Variants in SLC39A11 observed in about 807,000 individuals in gnomAD.
The protein encoded by SLC39A11 is zinc transporter ZIP11.
SLC39A11 carries 33 observed loss-of-function variants against 36.1 expected under a neutral mutation model. The observed-to-expected ratio is 0.91, with a 90% confidence interval of 0.69 to 1.22. SLC39A11 has a LOEUF of 1.22. SLC39A11 is among the 50% of genes most tolerant of loss of function. SLC39A11 has a pLI of 0.00. For missense variants in SLC39A11, 432 were observed against 430.3 expected (o/e 1.00, Z -0.03); for synonymous variants, 166 against 170.3 (o/e 0.97, Z 0.20).
intron 4 of SLC39A11, among the ~76,000 whole-genome samples, chr17:73,017,979 A>C (rs975978261): frequency 6.6e-6 from 1 of 152,208 alleles, no homozygotes; most frequent in Admixed American, 6.5e-5. Flanking sequence ...TAGAAGATAA[A>C]ATTCCAACTA....
intron 5 of SLC39A11, among the ~76,000 whole-genome samples, chr17:72,915,482 C>T (rs576203346): frequency 7.2e-5 from 11 of 152,312 alleles, no homozygotes; most frequent in East Asian, 1.9e-4. Context: ...TGTGGTACAA[C>T]GTGGGCCTGG....
At chr17:73,054,225 G>C (rs1003211236) in intron 3 of SLC39A11, among the ~76,000 whole-genome samples, 1 of 152,058 alleles carries the variant, frequency 6.6e-6, no homozygotes, top group African/African-American at 2.4e-5. Context: ...AGCTGGGTTT[G>C]GTAGCGCATG....
At chr17:72,836,146 A>G (rs558710601) in intron 6 of SLC39A11, among the ~76,000 whole-genome samples, 42 of 152,372 alleles carry the variant, frequency 2.8e-4, no homozygotes, top group African/African-American at 9.9e-4. Flanking sequence ...AACTACGCCA[A>G]CGTGGTGCTG....
At chr17:72,832,548 C>G (rs546262925) in intron 6 of SLC39A11, among the ~76,000 whole-genome samples, 1 of 152,316 alleles carries the variant, frequency 6.6e-6, no homozygotes, top group South Asian at 2.1e-4. Flanking sequence ...AATTACCACA[C>G]TGAAAAGTGG....
chr17:72,861,689 A>ATATATAT (rs1410780416), intron 5 of SLC39A11, among the ~76,000 whole-genome samples: 9 of 96,654 alleles, frequency 9.3e-5, no homozygotes, highest in African/African-American at 3.3e-4. Context: ...ATATATATAT[A>ATATATAT]AAATATATAT....
At chr17:72,815,287 G>A (rs1437369908) in intron 6 of SLC39A11, among the ~76,000 whole-genome samples, 1 of 152,218 alleles carries the variant, frequency 6.6e-6, no homozygotes, top group African/African-American at 2.4e-5. Context: ...AAATCAAGCT[G>A]TTATGATTTC....
chr17:72,776,727 G>C (rs2076148908), intron 6 of SLC39A11, among the ~76,000 whole-genome samples: 1 of 151,884 alleles, frequency 6.6e-6, no homozygotes, highest in African/African-American at 2.4e-5. Context: ...TATACCCGTG[G>C]TCTGGTCTGA....
chr17:72,751,243 A>C (rs2075144302), intron 6 of SLC39A11, among the ~76,000 whole-genome samples: 1 of 152,158 alleles, frequency 6.6e-6, no homozygotes. Context: ...GTGAGACTCC[A>C]TCTCAAAACA....
chr17:72,737,541 A>G (rs7405939), intron 6 of SLC39A11, among the ~76,000 whole-genome samples: 122,951 of 152,088 alleles, frequency 0.81, 50,515 homozygotes, highest in Non-Finnish European at 0.85. Flanking sequence ...AGGTTGATAC[A>G]GCAGCCCAAA....
At chr17:72,913,867 G>A (rs1449463848) in intron 5 of SLC39A11, among the ~76,000 whole-genome samples, 5 of 152,006 alleles carry the variant, frequency 3.3e-5, no homozygotes, top group East Asian at 1.9e-4. Flanking sequence ...CATTGACAAC[G>A]GTAATTTTTA....
intron 6 of SLC39A11, among the ~76,000 whole-genome samples, chr17:72,775,957 C>T (rs970194213): frequency 2.0e-5 from 3 of 152,256 alleles, no homozygotes; most frequent in South Asian, 2.1e-4. Context: ...CCCTCTACAG[C>T]TCTGAGTTAT....
chr17:73,013,322 C>CTCT (rs10665043), intron 4 of SLC39A11, among the ~76,000 whole-genome samples: 7 of 151,944 alleles, frequency 4.6e-5, no homozygotes, highest in Non-Finnish European at 5.9e-5. Context: ...TCCTGACCTC[C>CTCT]GGCGATCCAC....
At chr17:72,883,451 T>C (rs998876827) in intron 5 of SLC39A11, among the ~76,000 whole-genome samples, 4 of 152,200 alleles carry the variant, frequency 2.6e-5, no homozygotes, top group African/African-American at 9.6e-5. Context: ...GGGTAGTATT[T>C]ACATGATGCA....
At chr17:72,725,718 T>C (rs1864686) in intron 7 of SLC39A11, 51,901 of 152,104 alleles carry the variant, frequency 0.34, 10,814 homozygotes, top group Middle Eastern at 0.5. Context: ...TGTCTCTTTG[T>C]AAGGTGAGGC....
At chr17:73,086,646 C>T (rs192316161) in intron 2 of SLC39A11, among the ~76,000 whole-genome samples, 1 of 152,154 alleles carries the variant, frequency 6.6e-6, no homozygotes, top group African/African-American at 2.4e-5. Context: ...ATAGTGAAAC[C>T]CCATCTCCAC....
chr17:72,790,288 G>A (rs2076655942), intron 6 of SLC39A11, among the ~76,000 whole-genome samples: 1 of 152,096 alleles, frequency 6.6e-6, no homozygotes, highest in Non-Finnish European at 1.5e-5. Flanking sequence ...CATCCTGGTT[G>A]CCCACAAACA....
chr17:72,857,918 T>C (rs538570598), intron 5 of SLC39A11, among the ~76,000 whole-genome samples: 103 of 152,378 alleles, frequency 6.8e-4, no homozygotes, highest in African/African-American at 2.5e-3. Flanking sequence ...TCTCCCATTC[T>C]GTAGGTTGTC....
intron 4 of SLC39A11, among the ~76,000 whole-genome samples, chr17:73,026,163 G>GGAGA (rs1325100704): frequency 7.2e-6 from 1 of 139,226 alleles, no homozygotes; most frequent in East Asian, 2.2e-4. Context: ...GCAGAGGAGA[G>GGAGA]AAGAGAGGAG....
At position 72,947,761 on chromosome 17, in the gene SLC39A11, T is replaced by C; in HGVS notation, c.421A>G (p.Ile141Val). 1 of 1,614,028 alleles carries C rather than the reference T, an allele frequency of 6.2e-7. No homozygotes were observed. Among genetic ancestry groups the C allele is most frequent in the East Asian group, 2.2e-5 (1 of 44,884 alleles). The change falls in exon 5 of 10, where the codon ATC becomes GTC. Residue 141 changes from isoleucine (I) to valine (V), a missense_variant. Ile to Val is a conservative substitution (Grantham distance 29). Transcript: ENST00000255559. Reference protein sequence around the residue: ...ALLFPESELSIRIDKSENGEA... With the variant: ...ALLFPESELSVRIDKSENGEA... ...AGAAGCCCAGCTCTACCTATCCGGA[T>C]GGAAAGTTCACTCTCAGGGAAGAGC...
Sources: allele counts gnomAD v4.1 joint callset (sites outside exome capture counted in the v4.1 genomes callset), GRCh38; gene constraint gnomAD v4.1.1; transcripts MANE v1.5; gene names NCBI Gene and HGNC (gene_info 2026-07-23, HGNC 2026-07-21).